TMEM212: variants seen among roughly 807,000 people sequenced by gnomAD.
The protein encoded by TMEM212 is transmembrane protein 212.
TMEM212 carries 23 observed loss-of-function variants against 20.5 expected under a neutral mutation model. The observed-to-expected ratio is 1.12, with a 90% CI of 0.81 to 1.59. The LOEUF is 1.59. Among genes scored for constraint, TMEM212 ranks in the 40% most tolerant of loss-of-function variants. TMEM212 has a pLI of 0.00. For missense variants in TMEM212, 211 were observed against 215.0 expected, an observed-to-expected ratio of 0.98 and a Z score of 0.12; for synonymous variants, 76 against 81.6, an observed-to-expected ratio of 0.93 and a Z score of 0.37.
At chr3:171,854,244 CTG>C (rs1306319646) in intron 3 of TMEM212, among the ~76,000 whole-genome samples, 1 of 152,064 alleles carries the variant, frequency 6.6e-6, no homozygotes, top group African/African-American at 2.4e-5. Context: ...AAAATTGACT[CTG>C]TTTGCAGATG....
At chr3:171,851,704 C>T (rs1448986490) in intron 1 of TMEM212, among the ~76,000 whole-genome samples, 1 of 152,102 alleles carries the variant, frequency 6.6e-6, no homozygotes, top group Non-Finnish European at 1.5e-5. Flanking sequence ...CGTGGTGACA[C>T]CTTACAGTAG....
At chr3:171,855,649 T>C (rs35398158) in intron 3 of TMEM212, among the ~76,000 whole-genome samples, 32,497 of 152,054 alleles carry the variant, frequency 0.21, 3,643 homozygotes, top group Middle Eastern at 0.27. Flanking sequence ...CATAAAAGCA[T>C]ACAGATATAA....
chr3:171,846,006 T>C (rs754231145), intron 1 of TMEM212, among the ~76,000 whole-genome samples: 8 of 152,320 alleles, frequency 5.3e-5, no homozygotes, highest in Admixed American at 2.0e-4. Context: ...TAATCCTGTG[T>C]CACCCACCTC....
intron 4 of TMEM212, chr3:171,857,063 C>T (rs1462531675): frequency 6.1e-6 from 1 of 165,198 alleles, no homozygotes; most frequent in Non-Finnish European, 1.3e-5. Context: ...GGCTGAATGG[C>T]AAAAGACTGT....
chr3:171,844,271 A>G (rs1724783311), intron 1 of TMEM212, among the ~76,000 whole-genome samples: 1 of 152,172 alleles, frequency 6.6e-6, no homozygotes, highest in African/African-American at 2.4e-5. Context: ...ACTGGCTTCC[A>G]TGCTGGTATG....
At chr3:171,851,855 T>C in intron 1 of TMEM212, 127 bp from the exon 2 acceptor site, 1 of 833,260 alleles carries the variant, frequency 1.2e-6, no homozygotes, top group Non-Finnish European at 1.9e-6. Context: ...ATCAGAGCCA[T>C]AAATCCACTG....
At chr3:171,855,353 C>A (rs1176478064) in intron 3 of TMEM212, among the ~76,000 whole-genome samples, 1 of 152,074 alleles carries the variant, frequency 6.6e-6, no homozygotes, top group African/African-American at 2.4e-5. Flanking sequence ...TAGCTCATAC[C>A]TGTAATCCTA....
chr3:171,855,254 G>C (rs952355536), intron 3 of TMEM212, among the ~76,000 whole-genome samples: 13 of 152,062 alleles, frequency 8.5e-5, no homozygotes, highest in African/African-American at 3.1e-4. Flanking sequence ...CCTTTTGATG[G>C]TTCCTGTAAC....
intron 1 of TMEM212, among the ~76,000 whole-genome samples, chr3:171,844,227 CA>C (rs34892401): frequency 6.7e-6 from 1 of 150,118 alleles, no homozygotes; most frequent in African/African-American, 2.4e-5. Context: ...GCTCTCCAAC[CA>C]AAAAAAAATG....
intron 1 of TMEM212, among the ~76,000 whole-genome samples, chr3:171,846,149 C>A (rs1183847589): frequency 6.6e-6 from 1 of 152,162 alleles, no homozygotes; most frequent in Non-Finnish European, 1.5e-5. Context: ...TCAAACATGC[C>A]ATGATGTGTT....
intron 1 of TMEM212, among the ~76,000 whole-genome samples, chr3:171,850,617 C>T (rs1326187489): frequency 6.6e-6 from 1 of 152,240 alleles, no homozygotes; most frequent in Non-Finnish European, 1.5e-5. Flanking sequence ...GCTTACCCTA[C>T]AGCACCGGTG....
chr3:171,843,648 G>A (rs1724764571), intron 1 of TMEM212, 106 bp downstream of exon 1: 1 of 993,470 alleles, frequency 1.0e-6, no homozygotes, highest in Non-Finnish European at 1.4e-6. Context: ...ATACAAAGAA[G>A]TCAAAATTCC....
chr3:171,854,982 G>C (rs1429866572), intron 3 of TMEM212, among the ~76,000 whole-genome samples: 1 of 152,070 alleles, frequency 6.6e-6, no homozygotes. Context: ...TTTAAAAAAG[G>C]GGTTGTGTAA....
chr3:171,845,018 A>G (rs1724800535), intron 1 of TMEM212, among the ~76,000 whole-genome samples: 1 of 151,996 alleles, frequency 6.6e-6, no homozygotes, highest in Admixed American at 6.6e-5. Flanking sequence ...TCTCTTTCTC[A>G]GTTTTTTTTT....
At position 171,852,009 on chromosome 3, in the gene TMEM212, T is replaced by A; in HGVS notation, c.187T>A (p.Leu63Met). Reference sequence around the variant, plus strand: ...CATCACAACTGGTGTGCTTCTACTGTTGGCTTACAGAGAGTGGACCCAGAG... The same window carrying A: ...CATCACAACTGGTGTGCTTCTACTGATGGCTTACAGAGAGTGGACCCAGAG... Reference protein sequence around the residue: ...LAITTGVLLLLAYREWTQRYL... With the variant: ...LAITTGVLLLMAYREWTQRYL... The change falls in exon 2 of 5, where the codon TTG becomes ATG. Residue 63 changes from leucine (L) to methionine (M), a missense_variant. Transcript: ENST00000334567. The A allele has an allele frequency of 4.6e-6, 7 of 1,537,074 alleles. No individual in the cohort carries two copies. The highest frequency in any genetic ancestry group is 6.1e-6 in the Non-Finnish European group (7 of 1,146,736).
intron 1 of TMEM212, among the ~76,000 whole-genome samples, chr3:171,847,294 T>C (rs191679435): frequency 1.3e-5 from 2 of 152,362 alleles, no homozygotes; most frequent in Non-Finnish European, 2.9e-5. Flanking sequence ...GACAGCCCAG[T>C]GACTTGGCCA....
chr3:171,847,789 G>C (rs1041315235), intron 1 of TMEM212, among the ~76,000 whole-genome samples: 1 of 152,036 alleles, frequency 6.6e-6, no homozygotes, highest in African/African-American at 2.4e-5. Context: ...CGGTGGGGAT[G>C]GGGGAGGAGG....
rs759674924 is a variant in TMEM212 at position 171,852,013 on chromosome 3, C to T, written c.191C>T (p.Ala64Val). Reference protein sequence around the residue: ...AITTGVLLLLAYREWTQRYLG... With the variant: ...AITTGVLLLLVYREWTQRYLG... ...ACAACTGGTGTGCTTCTACTGTTGG[C>T]TTACAGAGAGTGGACCCAGAGGTAC... is the stretch of plus-strand genomic sequence containing the variant. The change falls in exon 2 of 5, where the codon GCT becomes GTT. Residue 64 changes from alanine (A) to valine (V), a missense_variant. Ala to Val is a moderately conservative substitution (Grantham distance 64). Coordinates refer to ENST00000334567, the MANE Select transcript of TMEM212 (RefSeq NM_001164436.2). 6.5e-7 allele frequency: 1 copy of T among 1,537,000 alleles called. No homozygotes were observed. The highest frequency in any genetic ancestry group is 8.7e-7 in the Non-Finnish European group (1 of 1,146,732).
intron 1 of TMEM212, among the ~76,000 whole-genome samples, chr3:171,849,555 A>C (rs1331841480): frequency 6.6e-6 from 1 of 152,176 alleles, no homozygotes; most frequent in Non-Finnish European, 1.5e-5. Flanking sequence ...TATATTAAAC[A>C]CTCACTCAAT....
Sources: allele counts gnomAD v4.1 joint callset (sites outside exome capture counted in the v4.1 genomes callset), GRCh38; gene constraint gnomAD v4.1.1; transcripts MANE v1.5; gene names NCBI Gene and HGNC (gene_info 2026-07-23, HGNC 2026-07-21).